The following RNGTT variants were observed in gnomAD, a reference collection of about 807,000 sequenced individuals.
RNGTT encodes RNA guanylyltransferase and 5'-phosphatase.
Under a neutral mutation model 79.3 loss-of-function variants are expected in RNGTT, and 33 were observed. The observed-to-expected ratio is 0.42, with a 90% CI of 0.32 to 0.56. The LOEUF is 0.56. Among genes scored for constraint, RNGTT ranks in the 20% least tolerant of loss-of-function variants. RNGTT has a pLI of 0.17. For synonymous variants in RNGTT, 222 were observed against 235.9 expected, an observed-to-expected ratio of 0.94 and a Z score of 0.54; for missense variants, 497 against 739.1, an observed-to-expected ratio of 0.67 and a Z score of 3.80.
chr6:88,731,270 G>C (rs781166536), intron 13 of RNGTT, among the ~76,000 whole-genome samples: 7 of 152,144 alleles, frequency 4.6e-5, no homozygotes, highest in Non-Finnish European at 8.8e-5. Flanking sequence ...ACAGGTCTTA[G>C]CTAGACTAAA....
chr6:88,751,639 G>T lies in RNGTT; in HGVS notation c.1439+18135C>A, dbSNP rs113285540. ...TGTAAATACTGAAACCCTCTCATTG[G>T]TAAGAGGTTTCTATTGAAAGAATAC... On this transcript the variant is annotated intron_variant, in intron 13 of 15. Transcript: ENST00000369485. 6.2e-3 allele frequency among the ~76,000 whole-genome samples: 942 copies of T among 152,010 alleles called. 8 individuals are homozygous for T. Among genetic ancestry groups the T allele is most frequent in the African/African-American group, 0.022 (904 of 41,484 alleles).
intron 14 of RNGTT, among the ~76,000 whole-genome samples, chr6:88,661,373 C>T (rs1015355802): frequency 4.0e-5 from 6 of 151,788 alleles, no homozygotes; most frequent in Non-Finnish European, 7.4e-5. Context: ...ATAAATAAAA[C>T]GAAATGCTGG....
intron 4 of RNGTT, among the ~76,000 whole-genome samples, chr6:88,925,290 C>G (rs988561129): frequency 2.6e-5 from 4 of 152,018 alleles, no homozygotes; most frequent in Non-Finnish European, 2.9e-5. Flanking sequence ...AAATAATAAG[C>G]ATTTATTAAT....
chr6:88,844,505 T>A lies in RNGTT; in HGVS notation c.1121A>T (p.Asp374Val). 5 of 1,608,888 alleles carry A rather than the reference T, an allele frequency of 3.1e-6. No individual in the cohort carries two copies. Among genetic ancestry groups the A allele is most frequent in the Non-Finnish European group, 4.2e-6 (5 of 1,178,632 alleles). Residue 374 changes from aspartate (D) to valine (V), a missense_variant, in exon 11 of 16, where the codon GAT becomes GTT. Coordinates refer to ENST00000369485, the MANE Select transcript of RNGTT (RefSeq NM_003800.5). ...CTGCAGACGAACATTAAAATCACAA[T>A]CTCCAACGGGCTGTGACTGAATTAA... Reference protein sequence around the residue: ...IIKFNSQPVGDCDFNVRLQCI... With the variant: ...IIKFNSQPVGVCDFNVRLQCI...
intron 11 of RNGTT, among the ~76,000 whole-genome samples, chr6:88,821,246 T>C (rs1780487492): frequency 6.6e-6 from 1 of 152,052 alleles, no homozygotes; most frequent in Admixed American, 6.6e-5. Context: ...GACCTTCACA[T>C]GCAAAAAAAT....
intron 11 of RNGTT, among the ~76,000 whole-genome samples, chr6:88,831,749 T>C (rs1582515719): frequency 6.6e-6 from 1 of 152,202 alleles, no homozygotes; most frequent in African/African-American, 2.4e-5. Flanking sequence ...AGTCTCAGGA[T>C]ACAAAATCGA....
At chr6:88,671,171 T>G (rs891850347) in intron 14 of RNGTT, among the ~76,000 whole-genome samples, 2 of 152,162 alleles carry the variant, frequency 1.3e-5, no homozygotes, top group African/African-American at 4.8e-5. Context: ...ACTGTCACTT[T>G]TTGCTGATGA....
At chr6:88,939,317 T>C (rs991686664) in intron 2 of RNGTT, among the ~76,000 whole-genome samples, 11 of 152,184 alleles carry the variant, frequency 7.2e-5, no homozygotes, top group Non-Finnish European at 1.3e-4. Flanking sequence ...ATCTTTATTT[T>C]TGTCTTACTA....
In RNGTT at chr6:88,817,749, A is replaced by ATTTTTTTTTTTTT. The variant is rs71554802; in HGVS notation, c.1270-16130_1270-16118dup. On this transcript the variant is annotated intron_variant, in intron 11 of 15. Transcript: ENST00000369485. ...TTCACCATCCAAGTCTATTCACATC[A>ATTTTTTTTTTTTT]TTTTTTTTTTTTTTTTTTTTTTTTT... Among the ~76,000 whole-genome samples, 2 of 71,560 alleles carry ATTTTTTTTTTTTT rather than the reference A, an allele frequency of 2.8e-5. 1 individual carries two copies. Among genetic ancestry groups the ATTTTTTTTTTTTT allele is most frequent in the Admixed American group, 3.6e-4 (2 of 5,522 alleles). The allele number at this position is 71,560 out of a possible 152,430, so 46.9% of individuals were successfully genotyped here. A position where few individuals can be genotyped will look rare whatever the true frequency, so the allele number is the denominator to read the frequency against.
chr6:88,611,348 C>T lies in RNGTT; in HGVS notation c.*1371G>A, dbSNP rs1329550955. 6.6e-6 allele frequency: 1 copy of T among 152,630 alleles called. No individual in the cohort carries two copies. Among genetic ancestry groups the T allele is most frequent in the Non-Finnish European group, 1.5e-5 (1 of 68,040 alleles). 9.5% of individuals were successfully genotyped at this position (152,630 alleles called of 1,614,324 possible). A position where few individuals can be genotyped will look rare whatever the true frequency, so the allele number is the denominator to read the frequency against. ...GAATCAGTAGAAGAATATACACTTG[C>T]ATATACTTACACAGATATGCATTTA... is the stretch of plus-strand genomic sequence containing the variant. On this transcript the variant is annotated 3_prime_UTR_variant, in exon 16 of 16. Coordinates refer to ENST00000369485, the MANE Select transcript of RNGTT (RefSeq NM_003800.5).
intron 12 of RNGTT, among the ~76,000 whole-genome samples, chr6:88,772,506 A>T (rs1029142787): frequency 1.5e-4 from 23 of 152,160 alleles, no homozygotes; most frequent in African/African-American, 5.5e-4. Flanking sequence ...TCTGCACAGC[A>T]AAAGAAACTA....
At chr6:88,684,360 AC>A (rs773639762) in intron 13 of RNGTT, among the ~76,000 whole-genome samples, 3 of 152,182 alleles carry the variant, frequency 2.0e-5, no homozygotes, top group African/African-American at 4.8e-5. Context: ...TTACCACATG[AC>A]CCAATAATCA....
intron 6 of RNGTT, among the ~76,000 whole-genome samples, chr6:88,896,782 T>C (rs760856621): frequency 1.3e-5 from 2 of 152,214 alleles, no homozygotes; most frequent in Non-Finnish European, 2.9e-5. Context: ...TTGAAAGATA[T>C]TGCCCTACAT....
At chr6:88,859,192 A>T (rs1009163364) in intron 8 of RNGTT, among the ~76,000 whole-genome samples, 1 of 151,014 alleles carries the variant, frequency 6.6e-6, no homozygotes, top group African/African-American at 2.4e-5. Context: ...CCCAGCTACT[A>T]GTTATTTTAA....
intron 12 of RNGTT, among the ~76,000 whole-genome samples, chr6:88,798,905 T>TTATCTAA (rs1779689649): frequency 6.6e-6 from 1 of 152,212 alleles, no homozygotes; most frequent in African/African-American, 2.4e-5. Flanking sequence ...GTCTTCTCCC[T>TTATCTAA]TATCTAACTA....
At chr6:88,888,769 C>T (rs1347261303) in intron 8 of RNGTT, among the ~76,000 whole-genome samples, 1 of 152,230 alleles carries the variant, frequency 6.6e-6, no homozygotes, top group Non-Finnish European at 1.5e-5. Context: ...GTGGCTCACA[C>T]CTGTAATCCC....
At chr6:88,832,282 C>T (rs1163378948) in intron 11 of RNGTT, among the ~76,000 whole-genome samples, 5 of 152,082 alleles carry the variant, frequency 3.3e-5, no homozygotes, top group African/African-American at 9.7e-5. Flanking sequence ...TCAGAAAAAA[C>T]GCCACACATC....
At chr6:88,616,805 A>T (rs1416897864) in intron 14 of RNGTT, among the ~76,000 whole-genome samples, 2 of 152,220 alleles carry the variant, frequency 1.3e-5, no homozygotes, top group Non-Finnish European at 2.9e-5. Flanking sequence ...TATCAGATGT[A>T]CAATTTGCAA....
chr6:88,787,414 A>C lies in RNGTT; in HGVS notation c.1338+14150T>G, dbSNP rs187986227. On this transcript the variant is annotated intron_variant, in intron 12 of 15. Coordinates refer to ENST00000369485, the MANE Select transcript of RNGTT (RefSeq NM_003800.5). ...GGTGGCTCATGCCTGTAATCCCAGC[A>C]CTTTGGGAGGCCGAGGTGGGCGGAT... is the stretch of plus-strand genomic sequence containing the variant. Among the ~76,000 whole-genome samples the C allele has an allele frequency of 2.0e-5, 3 of 152,268 alleles. No individual in the cohort carries two copies. The East Asian group carries it at 5.8e-4, about 29-fold the overall frequency.
Sources: allele counts gnomAD v4.1 joint callset (sites outside exome capture counted in the v4.1 genomes callset), GRCh38; gene constraint gnomAD v4.1.1; transcripts MANE v1.5; gene names NCBI Gene and HGNC (gene_info 2026-07-23, HGNC 2026-07-21).